Variants in HIVEP1 observed in about 807,000 individuals in gnomAD.
The protein encoded by HIVEP1 is HIVEP zinc finger 1, also known as zinc finger protein 40.
Under a neutral mutation model 180.0 loss-of-function variants are expected in HIVEP1, and 36 were observed. That is an observed-to-expected ratio of 0.20 (90% CI 0.15 to 0.26). The LOEUF is 0.26. HIVEP1 is among the 10% of genes least tolerant of loss of function. The probability of loss-of-function intolerance (pLI) is 1.00; values close to 1 mark genes in which losing one functional copy is unlikely to be tolerated. For missense variants in HIVEP1, 3,143 were observed against 3,268.7 expected (o/e 0.96, Z 0.94); for synonymous variants, 1,239 against 1,239.0 (o/e 1.00, Z 0.00).
At chr6:12,008,444 G>A (rs998958232), upstream of HIVEP1, 1 of 152,220 alleles carries the variant, frequency 6.6e-6, no homozygotes, top group Non-Finnish European at 1.5e-5. Flanking sequence ...GCGTCTAGCA[G>A]GAAAGACCAT....
chr6:12,061,094 C>T (rs1771199964), intron 2 of HIVEP1, among the ~76,000 whole-genome samples: 1 of 151,994 alleles, frequency 6.6e-6, no homozygotes, highest in South Asian at 2.1e-4. Context: ...ATGGGGATGG[C>T]CGACCTGTCA....
chr6:12,184,339 G>C, the HIVEP1 span, among the ~76,000 whole-genome samples: 1 of 152,124 alleles, frequency 6.6e-6, no homozygotes, highest in Non-Finnish European at 1.5e-5. Flanking sequence ...TAAATATCTT[G>C]AAGAACTTTC....
In HIVEP1 at chr6:12,030,877, A is replaced by C. The variant is rs77774929; in HGVS notation, c.40+15209A>C. On this transcript the variant is annotated intron_variant, in intron 2 of 8. Coordinates refer to ENST00000379388, the MANE Select transcript of HIVEP1 (RefSeq NM_002114.4). ...TTTTTTGTTGAATATTTTACATTTA[A>C]GATAATAGATTGTAGCAACTGTGGA... Among the ~76,000 whole-genome samples the C allele has an allele frequency of 0.012, 1,787 of 152,268 alleles. 64 individuals are homozygous for C. In the East Asian group the frequency reaches 0.15, roughly 13 times the overall value.
At chr6:12,131,996 ATTAG>A (rs1758450517) in intron 6 of HIVEP1, among the ~76,000 whole-genome samples, 1 of 152,162 alleles carries the variant, frequency 6.6e-6, no homozygotes, top group African/African-American at 2.4e-5. Flanking sequence ...CATGCTTCAA[ATTAG>A]TACTCTTTAA....
Position 12,122,766 on chromosome 6 carries a change from A to G in HIVEP1, c.2971A>G (p.Lys991Glu), listed in dbSNP as rs754791674. ...YCSELHGPKT[K>E]VAMREPEHSP... ...TTCTGAGTTACATGGACCAAAAACA[A>G]AGGTAGCCATGAGAGAACCTGAGCA... The change falls in exon 4 of 9, where the codon AAG becomes GAG. Residue 991 changes from lysine to glutamate, a missense_variant. Coordinates refer to ENST00000379388, the MANE Select transcript of HIVEP1 (RefSeq NM_002114.4). 1 of 1,612,032 alleles carries G rather than the reference A, an allele frequency of 6.2e-7. No homozygotes were observed. The highest frequency in any genetic ancestry group is 8.5e-7 in the Non-Finnish European group (1 of 1,179,486).
chr6:12,192,867 A>G, the HIVEP1 span, among the ~76,000 whole-genome samples: 7 of 151,448 alleles, frequency 4.6e-5, no homozygotes, highest in African/African-American at 1.7e-4. Context: ...TTTTTACAAT[A>G]CAGCTAAATG....
Position 12,123,785 on chromosome 6 carries a change from GGAGGCTTCCCCCAAAATC to G in HIVEP1, c.3993_4010del (p.Glu1331_Ile1336del). ...TAGACATAGAGGACGTTTCTAAAAC[GGAGGCTTCCCCCAAAATC>G]GATTTTCTAAATAAAGCCGAGTTTC... On this transcript the variant is annotated inframe_deletion, in exon 4 of 9. Coordinates refer to ENST00000379388, the MANE Select transcript of HIVEP1 (RefSeq NM_002114.4). 1.2e-6 allele frequency: 2 copies of G among 1,614,096 alleles called. No homozygotes were observed. The highest frequency in any genetic ancestry group is 3.3e-5 in the Admixed American group (2 of 60,016).
chr6:12,032,822 A>G (rs889990369), intron 2 of HIVEP1, among the ~76,000 whole-genome samples: 8 of 152,136 alleles, frequency 5.3e-5, no homozygotes, highest in African/African-American at 1.9e-4. Context: ...TCCTTTTTGT[A>G]GAATAATTTT....
At chr6:12,009,401 G>T (rs1381620552), upstream of HIVEP1, among the ~76,000 whole-genome samples, 1 of 152,210 alleles carries the variant, frequency 6.6e-6, no homozygotes, top group Non-Finnish European at 1.5e-5. Context: ...TTCCCCAAGG[G>T]GGGCTCCAGA....
the HIVEP1 span, among the ~76,000 whole-genome samples, chr6:12,199,360 C>CTTTTTTTTTTTT: frequency 9.1e-6 from 1 of 109,444 alleles, no homozygotes. Flanking sequence ...ACTGTCAATC[C>CTTTTTTTTTTTT]TTTTTTTTTT....
the HIVEP1 span, among the ~76,000 whole-genome samples, chr6:12,190,137 T>C: frequency 2.0e-5 from 3 of 152,236 alleles, no homozygotes; most frequent in African/African-American, 7.2e-5. Context: ...CCAACATTTG[T>C]ACCTTCTGGA....
chr6:12,067,967 C>G (rs901720053), intron 2 of HIVEP1, among the ~76,000 whole-genome samples: 3 of 152,110 alleles, frequency 2.0e-5, no homozygotes, highest in African/African-American at 7.2e-5. Flanking sequence ...TTTTTCTCCC[C>G]TCTAAGACCT....
intron 6 of HIVEP1, 136 bp from the exon 7 acceptor site, chr6:12,135,655 G>T: frequency 3.4e-6 from 2 of 583,748 alleles, no homozygotes; most frequent in East Asian, 2.9e-5. Context: ...ATTTTCTTTT[G>T]TTCACATTTT....
intron 2 of HIVEP1, among the ~76,000 whole-genome samples, chr6:12,083,817 C>T (rs1772944928): frequency 6.6e-6 from 1 of 152,084 alleles, no homozygotes; most frequent in African/African-American, 2.4e-5. Flanking sequence ...TGACCTGTTG[C>T]TGTGAAAAAT....
chr6:12,087,413 TTAAGCACA>T (rs1773181779), intron 2 of HIVEP1, among the ~76,000 whole-genome samples: 2 of 152,096 alleles, frequency 1.3e-5, no homozygotes, highest in South Asian at 4.1e-4. Context: ...ACATAAACTA[TTAAGCACA>T]GTTGTTACTA....
chr6:12,043,042 T>G (rs1769880301), intron 2 of HIVEP1, among the ~76,000 whole-genome samples: 1 of 152,234 alleles, frequency 6.6e-6, no homozygotes. Flanking sequence ...TGCCATGTAG[T>G]AACTTCTGAT....
the HIVEP1 span, among the ~76,000 whole-genome samples, chr6:12,186,373 A>G: frequency 6.6e-6 from 1 of 151,870 alleles, no homozygotes; most frequent in African/African-American, 2.4e-5. Flanking sequence ...ATGTCTAGAA[A>G]AGACAAACTT....
chr6:12,209,315 C>A, the HIVEP1 span, among the ~76,000 whole-genome samples: 2 of 152,186 alleles, frequency 1.3e-5, no homozygotes, highest in African/African-American at 2.4e-5. Context: ...AGCCTGTAAT[C>A]CCAGCTACTT....
intron 3 of HIVEP1, among the ~76,000 whole-genome samples, chr6:12,111,037 A>G (rs546560343): frequency 6.6e-6 from 1 of 152,360 alleles, no homozygotes; most frequent in East Asian, 1.9e-4. Context: ...TTGATGGAGC[A>G]GTGAGAACAC....
Sources: allele counts gnomAD v4.1 joint callset (sites outside exome capture counted in the v4.1 genomes callset), GRCh38; gene constraint gnomAD v4.1.1; transcripts MANE v1.5; gene names NCBI Gene and HGNC (gene_info 2026-07-23, HGNC 2026-07-21).